APLP2: variants seen among roughly 807,000 people sequenced by gnomAD.
The protein encoded by APLP2 is amyloid beta precursor like protein 2.
APLP2 carries 53 observed loss-of-function variants against 89.9 expected under a neutral mutation model. That is an observed-to-expected ratio of 0.59 (90% CI 0.47 to 0.74). The LOEUF is 0.74. Among genes scored for constraint, APLP2 ranks in the 30% least tolerant of loss-of-function variants. The pLI, the probability that APLP2 is intolerant of heterozygous loss-of-function variation, is 0.00. For synonymous variants in APLP2, 372 were observed against 348.6 expected, an observed-to-expected ratio of 1.07 and a Z score of -0.75; for missense variants, 973 against 975.9, an observed-to-expected ratio of 1.00 and a Z score of 0.04.
In APLP2 at chr11:130,123,686, G is replaced by A. The variant is rs763775520; in HGVS notation, c.997G>A (p.Gly333Arg). The change falls in exon 7 of 17, where the codon GGA becomes AGA. Residue 333 changes from glycine (G) to arginine (R), a missense_variant. By Grantham distance (125) the Gly-to-Arg change is moderately radical. Transcript: ENST00000338167. The surrounding 1 kb of genome is among the most constrained non-coding windows in gnomAD (Gnocchi z 4.0). ...MPRWYFDLSK[G>R]KCVRFIYGGC... ...TCGTTGGTACTTCGACCTCTCCAAG[G>A]GAAAGTGCGTGCGCTTTATATATGG... The A allele has an allele frequency of 6.2e-7, 1 of 1,614,284 alleles. No homozygotes were observed. The highest frequency in any genetic ancestry group is 1.1e-5 in the South Asian group (1 of 91,090).
At chr11:130,126,064 A>G (rs1950336267) in intron 7 of APLP2, among the ~76,000 whole-genome samples, 1 of 152,212 alleles carries the variant, frequency 6.6e-6, no homozygotes, top group Non-Finnish European at 1.5e-5. Flanking sequence ...CAAATAGAGC[A>G]ACTCAGTTTT....
intron 14 of APLP2, 184 bp downstream of exon 14, chr11:130,140,667 T>C: frequency 2.3e-6 from 1 of 432,038 alleles, no homozygotes. Context: ...ATGAAAAGGA[T>C]TAAAAAGCCC....
chr11:130,109,321 A>G, intron 1 of APLP2, 108 bp from the exon 2 acceptor site: 1 of 962,862 alleles, frequency 1.0e-6, no homozygotes, highest in East Asian at 2.8e-5. Context: ...TACAAATAGT[A>G]AATAATTAAG....
chr11:130,101,481 C>T (rs569669982), intron 1 of APLP2: 11 of 127,338 alleles, frequency 8.6e-5, no homozygotes, highest in African/African-American at 5.2e-4. Flanking sequence ...CCATCGCGCC[C>T]AGCCCGTGTG....
chr11:130,127,606 C>T (rs1950523869), intron 8 of APLP2, among the ~76,000 whole-genome samples, 160 bp from the exon 9 acceptor site: 1 of 152,188 alleles, frequency 6.6e-6, no homozygotes, highest in Non-Finnish European at 1.5e-5. Flanking sequence ...GGCCTGGAAC[C>T]TTCTGAGGCA....
At chr11:130,135,506 C>T in intron 12 of APLP2, 57 bp from the exon 13 acceptor site, 3 of 1,584,040 alleles carry the variant, frequency 1.9e-6, no homozygotes, top group Non-Finnish European at 2.6e-6. Context: ...GCATCCTGTG[C>T]CTGGACACCA....
chr11:130,105,339 C>T (rs533674323), intron 1 of APLP2, among the ~76,000 whole-genome samples: 1 of 152,190 alleles, frequency 6.6e-6, no homozygotes, highest in Admixed American at 6.5e-5. Context: ...TGGCTTGAGC[C>T]CAGGGGGTCG....
At chr11:130,087,354 A>G (rs1420700477) in intron 1 of APLP2, among the ~76,000 whole-genome samples, 1 of 152,214 alleles carries the variant, frequency 6.6e-6, no homozygotes, top group Non-Finnish European at 1.5e-5. Flanking sequence ...AAGTAAATAT[A>G]TTCATTTCCA....
chr11:130,069,984 G>A lies in APLP2; in HGVS notation c.7G>A (p.Ala3Thr). 1.3e-6 allele frequency: 2 copies of A among 1,504,256 alleles called. No individual in the cohort carries two copies. The highest frequency in any genetic ancestry group is 2.1e-5 in the Admixed American group (1 of 48,402). 93.2% of individuals were successfully genotyped at this position (1,504,256 alleles called of 1,614,324 possible). A position where few individuals can be genotyped will look rare whatever the true frequency, so the allele number is the denominator to read the frequency against. The part of the protein sequence containing the change: MA[A>T]TGTAAAAATG... The stretch of plus-strand genomic sequence containing the variant: ...TAGAGCGACCCGGCGAGGGATGGCG[G>A]CCACCGGGACCGCGGCCGCCGCAGC... Residue 3 changes from alanine to threonine, a missense_variant, in exon 1 of 17, where the codon GCC becomes ACC. Physicochemically the swap from Ala to Thr is moderately conservative, Grantham distance 58. Transcript: ENST00000338167.
intron 2 of APLP2, 187 bp downstream of exon 2, chr11:130,109,789 G>A (rs1268535106): frequency 7.4e-6 from 4 of 543,662 alleles, no homozygotes; most frequent in Non-Finnish European, 9.0e-6. Flanking sequence ...TTGCCTGCGT[G>A]TTCTGTGAGC....
chr11:130,137,789 C>T (rs1951807864), intron 13 of APLP2, among the ~76,000 whole-genome samples: 3 of 152,132 alleles, frequency 2.0e-5, no homozygotes, highest in Middle Eastern at 3.4e-3. Flanking sequence ...GTTGTATATT[C>T]CTCAGAACAT....
chr11:130,091,674 G>C (rs1945253755), intron 1 of APLP2, among the ~76,000 whole-genome samples: 1 of 124,356 alleles, frequency 8.0e-6, no homozygotes, highest in Non-Finnish European at 1.7e-5. Context: ...CGGCCGGGCA[G>C]AGGCGCCCCT....
rs770535185 is a variant in APLP2 at position 130,126,819 on chromosome 11, C to G, written c.1210C>G (p.Arg404Gly). The change falls in exon 8 of 17, where the codon CGA (arginine) becomes GGA (glycine). Residue 404 changes from arginine (R) to glycine (G), a missense_variant. Transcript: ENST00000338167. ...GCAGCTGGAGATTCGGCACCGCAAC[C>G]GAATGGACAGGGTAAACCTTGACAA... ...KEQLEIRHRNRMDRVKKEWEE... is the reference protein window; with the variant it reads ...KEQLEIRHRNGMDRVKKEWEE... 6.2e-7 allele frequency: 1 copy of G among 1,614,168 alleles called. No homozygotes were observed. Among genetic ancestry groups the G allele is most frequent in the Non-Finnish European group, 8.5e-7 (1 of 1,180,024 alleles).
At chr11:130,139,606 C>T (rs1952096051) in intron 13 of APLP2, 1 of 152,250 alleles carries the variant, frequency 6.6e-6, no homozygotes, top group Non-Finnish European at 1.5e-5. Flanking sequence ...GGATACTATC[C>T]TTCGGAGCGC....
intron 3 of APLP2, among the ~76,000 whole-genome samples, chr11:130,113,170 A>G (rs1246621238): frequency 1.3e-5 from 2 of 152,114 alleles, no homozygotes; most frequent in Admixed American, 1.3e-4. Context: ...TTTTTTGTCA[A>G]CCTCAGCACC....
intron 1 of APLP2, among the ~76,000 whole-genome samples, chr11:130,100,738 C>G (rs1463166533): frequency 2.0e-5 from 3 of 152,088 alleles, no homozygotes; most frequent in Non-Finnish European, 4.4e-5. Flanking sequence ...AAAATAATAC[C>G]TAACAGCCGG....
chr11:130,114,158 T>C (rs1240670349), intron 3 of APLP2: 1 of 152,252 alleles, frequency 6.6e-6, no homozygotes, highest in Non-Finnish European at 1.5e-5. Context: ...TCACCTGTTG[T>C]TCTAATAACA....
intron 3 of APLP2, among the ~76,000 whole-genome samples, chr11:130,111,469 A>G (rs1948547375): frequency 6.6e-6 from 1 of 152,312 alleles, no homozygotes; most frequent in South Asian, 2.1e-4. Flanking sequence ...TTCTGTAGCT[A>G]TATGTAATTG....
At chr11:130,137,291 G>C in intron 13 of APLP2, 1 of 1,613,992 alleles carries the variant, frequency 6.2e-7, no homozygotes, top group Non-Finnish European at 8.5e-7. Context: ...AATGAAAAAA[G>C]GTTGGTTTGT....
Sources: gnomAD v4.1 joint callset for allele counts (sites outside exome capture counted in the v4.1 genomes callset) on GRCh38, gnomAD v4.1.1 for gene constraint, Gnocchi (gnomAD v3.1) non-coding constraint, MANE v1.5 for transcripts, NCBI Gene and HGNC (gene_info 2026-07-23, HGNC 2026-07-21) for gene names.